Variants in COL5A1 observed in about 807,000 individuals in gnomAD.
COL5A1 encodes the protein collagen type V alpha 1 chain.
A neutral mutation model predicts 263.7 loss-of-function variants in COL5A1; 16 were observed. The observed-to-expected ratio is 0.06, with a 90% confidence interval of 0.04 to 0.09. The LOEUF is 0.09. Among genes scored for constraint, COL5A1 ranks in the 10% least tolerant of loss-of-function variants. The pLI is 1.00. For missense variants in COL5A1, 2,036 were observed against 2,540.5 expected, an observed-to-expected ratio of 0.80 and a Z score of 4.27; for synonymous variants, 1,012 against 1,004.5, an observed-to-expected ratio of 1.01 and a Z score of -0.14.
At position 134,765,613 on chromosome 9, in the gene COL5A1, T is replaced by C. The variant is rs1836632682; in HGVS notation, c.2035-68T>C. 2.1e-6 allele frequency: 3 copies of C among 1,427,616 alleles called. No individual in the cohort carries two copies. Among genetic ancestry groups the C allele is most frequent in the African/African-American group, 1.4e-5 (1 of 71,196 alleles). The allele number at this position is 1,427,616 out of a possible 1,614,324, so 88.4% of individuals were successfully genotyped here. A position where few individuals can be genotyped will look rare whatever the true frequency, so the allele number is the denominator to read the frequency against. ...GGGTGGAGTCAGGGCCAAGTGGGCATAGGGGACAGAGAGGAGGGCTGGGAT... is the reference window on the plus strand; with the variant it reads ...GGGTGGAGTCAGGGCCAAGTGGGCACAGGGGACAGAGAGGAGGGCTGGGAT... On this transcript the variant is annotated intron_variant, in intron 20 of 65. Transcript: ENST00000371817. The surrounding 1 kb of genome is among the most constrained non-coding windows in gnomAD (Gnocchi z 5.1).
At chr9:134,708,836 G>C (rs1414483310) in intron 4 of COL5A1, 1 of 456,520 alleles carries the variant, frequency 2.2e-6, no homozygotes. Context: ...AGGTGTGGGC[G>C]GGGCCGTGCT....
At chr9:134,655,396 A>C (rs917313105) in intron 1 of COL5A1, among the ~76,000 whole-genome samples, 2 of 151,980 alleles carry the variant, frequency 1.3e-5, no homozygotes, top group Admixed American at 6.5e-5. Context: ...GCTGTGTCCC[A>C]TACCTTTAGC....
chr9:134,753,157 C>T (rs1835850788), intron 14 of COL5A1, among the ~76,000 whole-genome samples: 1 of 152,174 alleles, frequency 6.6e-6, no homozygotes, highest in African/African-American at 2.4e-5. Flanking sequence ...TCTTTACAGC[C>T]CTGTTCCAGA....
chr9:134,778,482 C>T (rs1277501980), intron 27 of COL5A1, among the ~76,000 whole-genome samples: 2 of 152,246 alleles, frequency 1.3e-5, no homozygotes, highest in Non-Finnish European at 2.9e-5. Flanking sequence ...GTCCATGTCC[C>T]ATCTCAGGCT....
intron 4 of COL5A1, among the ~76,000 whole-genome samples, chr9:134,722,224 A>C (rs553482796): frequency 2.3e-4 from 35 of 152,260 alleles, no homozygotes; most frequent in Admixed American, 9.1e-4. Context: ...TTGTCTGTTC[A>C]CTGCTGCAGT....
At chr9:134,800,749 C>CAAAAAAAAAAA (rs397951217) in intron 37 of COL5A1, among the ~76,000 whole-genome samples, 73 of 81,510 alleles carry the variant, frequency 9.0e-4, no homozygotes, top group Non-Finnish European at 1.1e-3. Context: ...CTGTCTCAAA[C>CAAAAAAAAAAA]AAAAAAAAAA....
At position 134,822,726 on chromosome 9, in the gene COL5A1, C is replaced by CCCA. The variant is rs1554807659; in HGVS notation, c.4609-270_4609-269insACC. ...ACATGCTCTTTTCCGCTGCGCCCCC[C>CCCA]CCGCGGCTGTCTGAGCTGGGGTTTC... On this transcript the variant is annotated intron_variant, in intron 59 of 65. Transcript: ENST00000371817. 4.2e-4 allele frequency among the ~76,000 whole-genome samples: 63 copies of CCCA among 150,628 alleles called. 2 individuals carry two copies. Among genetic ancestry groups the CCCA allele is most frequent in the African/African-American group, 1.5e-3 (61 of 40,806 alleles).
intron 17 of COL5A1, 68 bp downstream of exon 17, chr9:134,756,886 A>G: frequency 6.8e-7 from 1 of 1,465,024 alleles, no homozygotes; most frequent in Non-Finnish European, 9.6e-7. Context: ...TTGATGATGT[A>G]ACCAAAATGC....
At chr9:134,660,208 CG>C (rs1019430758) in intron 1 of COL5A1, among the ~76,000 whole-genome samples, 1 of 152,188 alleles carries the variant, frequency 6.6e-6, no homozygotes, top group African/African-American at 2.4e-5. Context: ...ATTAGCAGAA[CG>C]ATGTGTTCTA....
intron 31 of COL5A1, among the ~76,000 whole-genome samples, chr9:134,786,756 C>T (rs764153731): frequency 1.6e-4 from 25 of 152,064 alleles, no homozygotes; most frequent in Non-Finnish European, 2.9e-4. Flanking sequence ...AAAGAATAAC[C>T]AGCTGCCTGC....
rs1008392766 is a variant in COL5A1 at position 134,716,286 on chromosome 9, G to A, written c.655-10980G>A. ...CTCACAGATGACAAGGGAGGGACCC[G>A]GTGCCCAGGCCTCCTGTGGTCAGTG... On this transcript the variant is annotated intron_variant, in intron 4 of 65. Coordinates refer to ENST00000371817, the MANE Select transcript of COL5A1 (RefSeq NM_000093.5). The surrounding 1 kb of genome is among the most constrained non-coding windows in gnomAD (Gnocchi z 4.5). Among the ~76,000 whole-genome samples, 14 of 152,286 alleles carry A rather than the reference G, an allele frequency of 9.2e-5. No homozygotes were observed. The highest frequency in any genetic ancestry group is 5.2e-4 in the Admixed American group (8 of 15,308).
chr9:134,712,627 TC>T (rs35270332), intron 4 of COL5A1, among the ~76,000 whole-genome samples: 16,745 of 49,104 alleles, frequency 0.34, 3,960 homozygotes, highest in Admixed American at 0.57. Context: ...CCCCCTTCCT[TC>T]CTGTTCCCCC....
rs1385238175 is a variant in COL5A1 at position 134,767,025 on chromosome 9, C to T, written c.2159C>T (p.Pro720Leu). 1.2e-6 allele frequency: 2 copies of T among 1,613,742 alleles called. No individual in the cohort carries two copies. The highest frequency in any genetic ancestry group is 1.7e-6 in the Non-Finnish European group (2 of 1,179,968). Residue 720 changes from proline (P) to leucine (L), a missense_variant, in exon 23 of 66, where the codon CCA (proline) becomes CTA (leucine). Physicochemically the swap from Pro to Leu is moderately conservative, Grantham distance 98. Transcript: ENST00000371817. Reference protein sequence around the residue: ...NVGPQGEPGPPGQQGNPGAQG... With the variant: ...NVGPQGEPGPLGQQGNPGAQG... ...GGTCCCCAGGGAGAGCCTGGCCCCC[C>T]AGGACAGCAGGGTAATCCAGGCGCC...
At chr9:134,658,493 C>T (rs1391112699) in intron 1 of COL5A1, among the ~76,000 whole-genome samples, 1 of 152,218 alleles carries the variant, frequency 6.6e-6, no homozygotes, top group African/African-American at 2.4e-5. Context: ...CCTGTCCTTG[C>T]ACGCCCTGGG....
chr9:134,674,599 G>T (rs560880386), intron 1 of COL5A1, among the ~76,000 whole-genome samples: 13 of 152,138 alleles, frequency 8.5e-5, no homozygotes, highest in Non-Finnish European at 1.9e-4. Context: ...TACAAAGAAT[G>T]AATTTGGCTG....
At position 134,821,978 on chromosome 9, in the gene COL5A1, A is replaced by G; in HGVS notation, c.4555-119A>G. On this transcript the variant is annotated intron_variant, in intron 58 of 65. Coordinates refer to ENST00000371817, the MANE Select transcript of COL5A1 (RefSeq NM_000093.5). This position sits in a 1 kb window ranked among gnomAD's most constrained non-coding sequence, Gnocchi z 4.2. ...GCCACAGGAGGCTGCTGAGGGGCCA[A>G]AGGGCATACCGTGGGGAAGGGACAG... 1 of 893,078 alleles carries G rather than the reference A, an allele frequency of 1.1e-6. No individual in the cohort carries two copies. Among genetic ancestry groups the G allele is most frequent in the Non-Finnish European group, 1.9e-6 (1 of 529,376 alleles). The allele number at this position is 893,078 out of a possible 1,614,324, so 55.3% of individuals were successfully genotyped here. A position where few individuals can be genotyped will look rare whatever the true frequency, so the allele number is the denominator to read the frequency against.
chr9:134,706,568 G>A (rs1192716355), intron 4 of COL5A1, among the ~76,000 whole-genome samples: 1 of 152,162 alleles, frequency 6.6e-6, no homozygotes, highest in Non-Finnish European at 1.5e-5. Flanking sequence ...TTCATAGCTT[G>A]GGAAGCCAGC....
At chr9:134,830,339 C>T (rs1275858338) in intron 64 of COL5A1, 1 of 690,820 alleles carries the variant, frequency 1.4e-6, no homozygotes, top group Non-Finnish European at 2.4e-6. Flanking sequence ...GGAGTCCTCT[C>T]CCCAGCCCCC....
In COL5A1 at chr9:134,759,291, CAT is replaced by C. The variant is rs1451786611; in HGVS notation, c.1935+997_1935+998del. Reference sequence around the variant, plus strand: ...ACTCATACACACATGCACACACACGCATACACACCCACACACCCCCACACTCA... The same window carrying C: ...ACTCATACACACATGCACACACACGCACACACCCACACACCCCCACACTCA... On this transcript the variant is annotated intron_variant, in intron 18 of 65. Coordinates refer to ENST00000371817, the MANE Select transcript of COL5A1 (RefSeq NM_000093.5). Among the ~76,000 whole-genome samples, 241 of 116,774 alleles carry C rather than the reference CAT, an allele frequency of 2.1e-3. 2 individuals carry two copies. The highest frequency in any genetic ancestry group is 8.5e-3 in the Middle Eastern group (2 of 234). The allele number at this position is 116,774 out of a possible 152,430, so 76.6% of individuals were successfully genotyped here.
Sources: gnomAD v4.1 joint callset for allele counts (sites outside exome capture counted in the v4.1 genomes callset) on GRCh38, gnomAD v4.1.1 for gene constraint, Gnocchi (gnomAD v3.1) non-coding constraint, MANE v1.5 for transcripts, NCBI Gene and HGNC (gene_info 2026-07-23, HGNC 2026-07-21) for gene names.